The following SGSM1 variants were observed in gnomAD, a reference collection of about 807,000 sequenced individuals.
SGSM1 encodes the protein RUN and TBC1 domain containing 2.
SGSM1 carries 73 observed loss-of-function variants against 133.8 expected under a neutral mutation model. That is an observed-to-expected ratio of 0.55 (90% CI 0.45 to 0.66). The LOEUF is 0.66. SGSM1 is among the 30% of genes least tolerant of loss of function. SGSM1 has a pLI of 0.00. For synonymous variants in SGSM1, 563 were observed against 573.0 expected (o/e 0.98, Z 0.25); for missense variants, 1,213 against 1,448.1 (o/e 0.84, Z 2.64).
Position 24,897,941 on chromosome 22 carries a change from G to A in SGSM1, c.2023-31G>A, listed in dbSNP as rs1932964334. On this transcript the variant is annotated intron_variant, in intron 18 of 24. Coordinates refer to ENST00000400358, the MANE Select transcript of SGSM1 (RefSeq NM_001098497.3). ...AAGTAATGCTGCAGTCGACATGCCG[G>A]TCCATCTGTTTTTGTGCACCTTGTC... The A allele has an allele frequency of 1.9e-6, 3 of 1,543,716 alleles. No homozygotes were observed. The African/African-American group carries it at 4.1e-5, about 21-fold the overall frequency.
intron 2 of SGSM1, among the ~76,000 whole-genome samples, chr22:24,821,590 A>AAG (rs2147794717): frequency 6.6e-6 from 1 of 152,304 alleles, no homozygotes; most frequent in South Asian, 2.1e-4. Flanking sequence ...AAAAGCTCCA[A>AAG]AGTCCATTGC....
At chr22:24,891,677 C>T (rs927293983) in intron 16 of SGSM1, among the ~76,000 whole-genome samples, 2 of 152,076 alleles carry the variant, frequency 1.3e-5, no homozygotes, top group African/African-American at 4.8e-5. Context: ...AGGTCCTTCC[C>T]AGTTTCATGG....
At chr22:24,876,816 C>A (rs148536117) in intron 13 of SGSM1, 101 bp downstream of exon 13, 4 of 1,476,792 alleles carry the variant, frequency 2.7e-6, no homozygotes, top group Non-Finnish European at 2.8e-6. Context: ...GTGAGCATAA[C>A]CTGCGGACTC....
intron 19 of SGSM1, among the ~76,000 whole-genome samples, chr22:24,900,415 T>TCTCTTTCTTTCTTTCTTTC (rs1933112418): frequency 7.9e-6 from 1 of 125,870 alleles, no homozygotes; most frequent in African/African-American, 3.9e-5. Flanking sequence ...TTCTGTATTT[T>TCTCTTTCTTTCTTTCTTTC]TGAGACAGAG....
chr22:24,809,337 C>T (rs1927600478), intron 2 of SGSM1, among the ~76,000 whole-genome samples: 1 of 152,242 alleles, frequency 6.6e-6, no homozygotes, highest in African/African-American at 2.4e-5. Context: ...CACAGCCTCA[C>T]CCAGAGACTG....
chr22:24,918,550 T>C (rs1236361621), intron 23 of SGSM1, among the ~76,000 whole-genome samples: 1 of 151,754 alleles, frequency 6.6e-6, no homozygotes, highest in African/African-American at 2.4e-5. Context: ...CGCACTGTGC[T>C]GAGTCATTTG....
rs572586291 is a variant in SGSM1, at chr22:24,881,691, G to A, written c.1495+2165G>A. Reference sequence around the variant, plus strand: ...TGTAAGTGTTAGCTATTATATCATCGTCATCATCATCATCCTCCTCCTCCT... The same window carrying A: ...TGTAAGTGTTAGCTATTATATCATCATCATCATCATCATCCTCCTCCTCCT... On this transcript the variant is annotated intron_variant, in intron 14 of 24. Transcript: ENST00000400358. Among the ~76,000 whole-genome samples, 49 of 152,174 alleles carry A rather than the reference G, an allele frequency of 3.2e-4. No individual in the cohort carries two copies. In the East Asian group the frequency reaches 5.4e-3, roughly 17 times the overall value.
At chr22:24,921,756 A>G (rs569766723) in intron 24 of SGSM1, among the ~76,000 whole-genome samples, 2 of 151,562 alleles carry the variant, frequency 1.3e-5, no homozygotes, top group African/African-American at 4.8e-5. Context: ...CTGGAGTACA[A>G]TGGCATGATC....
intron 3 of SGSM1, 54 bp downstream of exon 3, chr22:24,845,026 A>G (rs1308514769): frequency 5.1e-6 from 8 of 1,574,590 alleles, no homozygotes; most frequent in Non-Finnish European, 7.0e-6. Flanking sequence ...GCCTCGGGGA[A>G]GTGGTGTCTT....
chr22:24,831,982 A>G (rs73155741), intron 2 of SGSM1, among the ~76,000 whole-genome samples: 225 of 152,318 alleles, frequency 1.5e-3, no homozygotes, highest in Non-Finnish European at 2.6e-3. Flanking sequence ...TGCATCATTC[A>G]TCCCACCCAG....
chr22:24,845,940 C>CTTTTCT (rs1930080199), intron 3 of SGSM1, among the ~76,000 whole-genome samples: 1 of 130,718 alleles, frequency 7.7e-6, no homozygotes, highest in African/African-American at 3.0e-5. Flanking sequence ...CTTTTCTTTT[C>CTTTTCT]TTTTCTTTCT....
At chr22:24,809,141 C>T (rs902695074) in intron 2 of SGSM1, among the ~76,000 whole-genome samples, 1 of 152,146 alleles carries the variant, frequency 6.6e-6, no homozygotes, top group Admixed American at 6.5e-5. Flanking sequence ...CTCGGTGCCC[C>T]CCAAAGCACG....
At chr22:24,920,629 A>G (rs1933972729) in intron 24 of SGSM1, among the ~76,000 whole-genome samples, 4 of 152,228 alleles carry the variant, frequency 2.6e-5, no homozygotes, top group South Asian at 4.1e-4. Flanking sequence ...AGCTATTGCC[A>G]CTGTTATCAC....
intron 21 of SGSM1, among the ~76,000 whole-genome samples, chr22:24,908,193 C>T (rs906158900): frequency 2.0e-5 from 3 of 152,086 alleles, no homozygotes; most frequent in African/African-American, 7.2e-5. Context: ...GAACCCTTAC[C>T]TCACACCACA....
intron 24 of SGSM1, among the ~76,000 whole-genome samples, chr22:24,920,512 G>A (rs1008919113): frequency 3.9e-4 from 59 of 152,260 alleles, no homozygotes; most frequent in African/African-American, 1.4e-3. Context: ...GGATAAAATG[G>A]TACTAACACT....
chr22:24,831,518 A>G (rs1929119476), intron 2 of SGSM1, among the ~76,000 whole-genome samples: 1 of 152,080 alleles, frequency 6.6e-6, no homozygotes, highest in Admixed American at 6.5e-5. Context: ...GACAGTTCTG[A>G]TGGGATCTGG....
In SGSM1 at chr22:24,927,380, A is replaced by G. The variant is rs1170859057; in HGVS notation, c.*3106A>G. 6.6e-6 allele frequency: 1 copy of G among 152,220 alleles called. No individual in the cohort carries two copies. The highest frequency in any genetic ancestry group is 1.5e-5 in the Non-Finnish European group (1 of 68,050). The allele number at this position is 152,220 out of a possible 1,614,324, so 9.4% of individuals were successfully genotyped here. A position where few individuals can be genotyped will look rare whatever the true frequency, so the allele number is the denominator to read the frequency against. On this transcript the variant is annotated 3_prime_UTR_variant, in exon 25 of 25. Coordinates refer to ENST00000400358, the MANE Select transcript of SGSM1 (RefSeq NM_001098497.3). ...TCTCTGGCATAAAGTCATTTCTGCC[A>G]CATTCTGTTGGTCAGAGTAAGTCAC...
chr22:24,877,290 C>T (rs1267560868), intron 13 of SGSM1, among the ~76,000 whole-genome samples: 1 of 152,190 alleles, frequency 6.6e-6, no homozygotes, highest in Non-Finnish European at 1.5e-5. Flanking sequence ...AATTCCAGTT[C>T]TTAACTTTAT....
At chr22:24,825,441 AT>A (rs1016627682) in intron 2 of SGSM1, among the ~76,000 whole-genome samples, 19 of 151,786 alleles carry the variant, frequency 1.3e-4, no homozygotes, top group African/African-American at 4.6e-4. Context: ...TATGTTTTAT[AT>A]TTTTTGAGAC....
Sources: gnomAD v4.1 joint callset for allele counts (sites outside exome capture counted in the v4.1 genomes callset) on GRCh38, gnomAD v4.1.1 for gene constraint, MANE v1.5 for transcripts, NCBI Gene and HGNC (gene_info 2026-07-23, HGNC 2026-07-21) for gene names.